The following DHX32 variants were observed in gnomAD, a reference collection of about 807,000 sequenced individuals.
DHX32 encodes the protein DEAH-box helicase 32 (putative).
Under a neutral mutation model 70.0 loss-of-function variants are expected in DHX32, and 51 were observed. The ratio of observed to expected loss-of-function variants is 0.73; its 90% confidence interval spans 0.58 to 0.92. The LOEUF (loss-of-function observed/expected upper bound fraction) is 0.92, where lower values mean the gene tolerates loss of function less well. DHX32 is among the 40% of genes least tolerant of loss of function. The pLI is 0.00. For missense variants in DHX32, 762 were observed against 891.8 expected (o/e 0.85, Z 1.85); for synonymous variants, 310 against 315.3 (o/e 0.98, Z 0.18).
At position 125,840,900 on chromosome 10, in the gene DHX32, A is replaced by G; in HGVS notation, c.1640T>C (p.Leu547Pro). 1 of 1,609,968 alleles carries G rather than the reference A, an allele frequency of 6.2e-7. No homozygotes were observed. The highest frequency in any genetic ancestry group is 8.5e-7 in the Non-Finnish European group (1 of 1,176,646). The change falls in exon 8 of 11, where the codon CTC becomes CCC. Residue 547 changes from leucine (L) to proline (P), a missense_variant. Leu to Pro is a moderately conservative substitution (Grantham distance 98, BLOSUM62 -3). Transcript: ENST00000284690. ...TTGGTAAGCCTTGTAAATGCTGATG[A>G]GGGTAAAGTGATCTCCTTCGGGATG... is the stretch of plus-strand genomic sequence containing the variant. ...FLHPEGDHFT[L>P]ISIYKAYQDT...
intron 8 of DHX32, 151 bp downstream of exon 8, chr10:125,840,695 TG>T: frequency 1.3e-6 from 1 of 750,024 alleles, no homozygotes; most frequent in South Asian, 2.9e-5. Context: ...ACTCTGCAGA[TG>T]CCTGTGGGTG....
At chr10:125,869,208 C>T (rs1944241374) in intron 1 of DHX32, 1 of 152,194 alleles carries the variant, frequency 6.6e-6, no homozygotes, top group African/African-American at 2.4e-5. Flanking sequence ...TCAGGGTCCA[C>T]TATCTAGGGT....
At chr10:125,860,955 T>A (rs551762981) in intron 2 of DHX32, among the ~76,000 whole-genome samples, 13 of 151,772 alleles carry the variant, frequency 8.6e-5, no homozygotes, top group Non-Finnish European at 1.8e-4. Flanking sequence ...GATTTCACCG[T>A]GTTAGCCAGG....
At chr10:125,877,865 C>A (rs1023931342) in intron 1 of DHX32, among the ~76,000 whole-genome samples, 4 of 152,054 alleles carry the variant, frequency 2.6e-5, no homozygotes, top group African/African-American at 9.7e-5. Flanking sequence ...TGAAGGGGTT[C>A]CATCAGTTTC....
intron 1 of DHX32, among the ~76,000 whole-genome samples, chr10:125,867,521 A>G (rs951043988): frequency 1.6e-4 from 24 of 152,170 alleles, no homozygotes; most frequent in Middle Eastern, 3.4e-3. Context: ...CGGATCACGA[A>G]GTCAGGAGAT....
chr10:125,842,241 G>A (rs1854902544), intron 6 of DHX32: 1 of 318,908 alleles, frequency 3.1e-6, no homozygotes, highest in Admixed American at 5.2e-5. Flanking sequence ...CAGGGATCCA[G>A]GGAGACTAAG....
At chr10:125,838,425 T>G (rs1475062043) in intron 9 of DHX32, 38 bp from the exon 10 acceptor site, 2 of 1,502,722 alleles carry the variant, frequency 1.3e-6, no homozygotes, top group East Asian at 4.6e-5. Context: ...GATTTTGTAT[T>G]AATATGGAGA....
chr10:125,844,227 A>G (rs572569578), intron 6 of DHX32, among the ~76,000 whole-genome samples: 1 of 152,370 alleles, frequency 6.6e-6, no homozygotes, highest in East Asian at 1.9e-4. Context: ...AGCATCAGAA[A>G]TAAGCATCTT....
chr10:125,855,448 GT>G (rs777479193), intron 3 of DHX32, among the ~76,000 whole-genome samples: 5,342 of 121,344 alleles, frequency 0.044, 182 homozygotes, highest in African/African-American at 0.13. Context: ...AAGATAAACT[GT>G]TTTTTTTTTT....
chr10:125,840,442 A>G (rs1854843178), intron 8 of DHX32, among the ~76,000 whole-genome samples: 1 of 152,362 alleles, frequency 6.6e-6, no homozygotes, highest in South Asian at 2.1e-4. Flanking sequence ...GCCTCTCTGC[A>G]TGCACGTGGT....
At chr10:125,842,011 C>G in intron 6 of DHX32, 77 bp from the exon 7 acceptor site, 1 of 1,424,100 alleles carries the variant, frequency 7.0e-7, no homozygotes, top group Non-Finnish European at 9.1e-7. Context: ...CTTTTCCCTC[C>G]TGCATGAAAC....
rs1854857389 is a variant in DHX32, at chr10:125,840,865, G to C, written c.1675C>G (p.Leu559Val). ...CACTTACACTCACTGCTAGAATTCA[G>C]AGTTGTGTCTTGGTAAGCCTTGTAA... is the stretch of plus-strand genomic sequence containing the variant. ...SIYKAYQDTTLNSSSEYCVEK... is the reference protein window; with the variant it reads ...SIYKAYQDTTVNSSSEYCVEK... Residue 559 changes from leucine (L) to valine (V), a missense_variant, in exon 8 of 11, where the codon CTG becomes GTG. Physicochemically the swap from Leu to Val is conservative, Grantham distance 32 (BLOSUM62 1). Coordinates refer to ENST00000284690, the MANE Select transcript of DHX32 (RefSeq NM_018180.3). 6.3e-7 allele frequency: 1 copy of C among 1,595,352 alleles called. No homozygotes were observed. Among genetic ancestry groups the C allele is most frequent in the African/African-American group, 1.3e-5 (1 of 74,268 alleles).
At position 125,836,870 on chromosome 10, in the gene DHX32, C is replaced by T; in HGVS notation, c.2064-15G>A. 1.2e-6 allele frequency: 2 copies of T among 1,611,432 alleles called. No homozygotes were observed. Among genetic ancestry groups the T allele is most frequent in the Non-Finnish European group, 1.7e-6 (2 of 1,178,230 alleles). Reference sequence around the variant, plus strand: ...GCTGCATAAATCTGTTTATTTAAGACAAAAAGATGAGATTATGAGTGGGGA... The same window carrying T: ...GCTGCATAAATCTGTTTATTTAAGATAAAAAGATGAGATTATGAGTGGGGA... On this transcript the variant is annotated splice_polypyrimidine_tract_variant and intron_variant, in intron 10 of 10. Transcript: ENST00000284690.
intron 1 of DHX32, among the ~76,000 whole-genome samples, chr10:125,887,377 A>C (rs1944346100): frequency 1.3e-5 from 2 of 152,184 alleles, no homozygotes; most frequent in Non-Finnish European, 2.9e-5. Context: ...ACAATTACTT[A>C]AAAGAAGGCA....
intron 1 of DHX32, among the ~76,000 whole-genome samples, chr10:125,878,563 A>G (rs1944298047): frequency 6.6e-6 from 1 of 152,212 alleles, no homozygotes; most frequent in Middle Eastern, 3.2e-3. Flanking sequence ...TGAGGCATAC[A>G]TATTAATACA....
At chr10:125,882,129 A>G (rs1260956135), upstream of DHX32, among the ~76,000 whole-genome samples, 1 of 152,226 alleles carries the variant, frequency 6.6e-6, no homozygotes, top group Admixed American at 6.5e-5. Context: ...CTCAGTCCCC[A>G]CATGTCAGGT....
At chr10:125,854,450 C>G in intron 3 of DHX32, 2 of 310,944 alleles carry the variant, frequency 6.4e-6, no homozygotes, top group East Asian at 1.3e-4. Context: ...CACTAAAAAT[C>G]TAAGTAAAAA....
Position 125,867,107 on chromosome 10 carries a change from T to C in DHX32, c.359A>G (p.Lys120Arg), listed in dbSNP as rs1944225127. The C allele has an allele frequency of 1.2e-6, 2 of 1,614,210 alleles. No individual in the cohort carries two copies. Residue 120 changes from lysine (K) to arginine (R), a missense_variant, in exon 2 of 11, where the codon AAG (lysine) becomes AGG (arginine). By Grantham distance (26) the Lys-to-Arg change is conservative. Coordinates refer to ENST00000284690, the MANE Select transcript of DHX32 (RefSeq NM_018180.3). Reference protein sequence around the residue: ...HGGVICTQVHKQTVVQLALRV... With the variant: ...HGGVICTQVHRQTVVQLALRV... Reference sequence around the variant, plus strand: ...CAGGGCGAGCTGGACCACAGTCTGCTTGTGGACCTGTGTGCATATCACGCC... The same window carrying C: ...CAGGGCGAGCTGGACCACAGTCTGCCTGTGGACCTGTGTGCATATCACGCC...
At chr10:125,852,905 G>A (rs558546654) in intron 4 of DHX32, among the ~76,000 whole-genome samples, 2 of 152,172 alleles carry the variant, frequency 1.3e-5, no homozygotes, top group African/African-American at 4.8e-5. Context: ...TGAAATACTA[G>A]CACTGTCACT....
Sources: gnomAD v4.1 joint callset for allele counts (sites outside exome capture counted in the v4.1 genomes callset) on GRCh38, gnomAD v4.1.1 for gene constraint, MANE v1.5 for transcripts, NCBI Gene and HGNC (gene_info 2026-07-23, HGNC 2026-07-21) for gene names.